Variants in NDNF observed in about 807,000 individuals in gnomAD.
NDNF encodes the protein neuron derived neurotrophic factor, also known as protein NDNF.
In NDNF, 16 loss-of-function variants were observed where a neutral mutation model predicts 42.0. The observed-to-expected ratio is 0.38, with a 90% CI of 0.26 to 0.58. NDNF has a LOEUF of 0.58. Among genes scored for constraint, NDNF ranks in the 20% least tolerant of loss-of-function variants. The pLI, the probability that NDNF is intolerant of heterozygous loss-of-function variation, is 0.67. For synonymous variants in NDNF, 248 were observed against 251.7 expected, an observed-to-expected ratio of 0.99 and a Z score of 0.14; for missense variants, 616 against 666.2, an observed-to-expected ratio of 0.92 and a Z score of 0.83.
chr4:121,039,245 G>GTA (rs201707169), intron 3 of NDNF, among the ~76,000 whole-genome samples: 4,342 of 120,308 alleles, frequency 0.036, 142 homozygotes, highest in East Asian at 0.065. Flanking sequence ...TAAAGACTAT[G>GTA]TATATATATA....
chr4:121,068,717 C>CAGAG (rs145199614), intron 1 of NDNF, among the ~76,000 whole-genome samples: 3 of 148,914 alleles, frequency 2.0e-5, no homozygotes, highest in Non-Finnish European at 4.5e-5. Flanking sequence ...AAAAGTGAGA[C>CAGAG]AGAGAGAGAG....
At chr4:121,051,980 A>G (rs954194512) in intron 1 of NDNF, among the ~76,000 whole-genome samples, 3 of 152,210 alleles carry the variant, frequency 2.0e-5, no homozygotes, top group African/African-American at 4.8e-5. Flanking sequence ...AAGGCTCTCA[A>G]AATAGAAGAC....
chr4:121,045,563 T>C, intron 2 of NDNF, 87 bp downstream of exon 2: 3 of 1,149,060 alleles, frequency 2.6e-6, no homozygotes, highest in Non-Finnish European at 3.8e-6. Flanking sequence ...ATTTGTAAAT[T>C]ACCTAAACTA....
At position 121,038,972 on chromosome 4, in the gene NDNF, G is replaced by T. The variant is rs1194888280; in HGVS notation, c.313+958C>A. ...ATTGCACTCCTAAGCGACAGAGCAA[G>T]ACCCTGTCCTGAAAAAAAAAAAAAA... is the stretch of plus-strand genomic sequence containing the variant. On this transcript the variant is annotated intron_variant, in intron 3 of 3. Transcript: ENST00000379692. The T allele has an allele frequency of 2.3e-5, 3 of 132,026 alleles. No homozygotes were observed. The Admixed American group carries it at 2.4e-4, about 11-fold the overall frequency. The allele number at this position is 132,026 out of a possible 1,614,324, so 8.2% of individuals were successfully genotyped here.
intron 1 of NDNF, among the ~76,000 whole-genome samples, chr4:121,064,418 T>A (rs1169164582): frequency 6.6e-6 from 1 of 152,078 alleles, no homozygotes; most frequent in Non-Finnish European, 1.5e-5. Flanking sequence ...ACAACATTAC[T>A]AAGAAAAAAT....
rs1726951573 is a variant in NDNF, at chr4:121,039,220, A to ATT, written c.313+709_313+710insAA. Among the ~76,000 whole-genome samples, 3 of 86,714 alleles carry ATT rather than the reference A, an allele frequency of 3.5e-5. 1 individual carries two copies. The highest frequency in any genetic ancestry group is 1.0e-4 in the African/African-American group (3 of 30,140). 56.9% of individuals were successfully genotyped at this position (86,714 alleles called of 152,430 possible). On this transcript the variant is annotated intron_variant, in intron 3 of 3. Coordinates refer to ENST00000379692, the MANE Select transcript of NDNF (RefSeq NM_024574.4). ...TATATATATATATATATATATATAT[A>ATT]TATATATATATATATAAAGACTATG... is the stretch of plus-strand genomic sequence containing the variant.
At chr4:121,066,257 G>A (rs1006825608) in intron 1 of NDNF, among the ~76,000 whole-genome samples, 3 of 152,150 alleles carry the variant, frequency 2.0e-5, no homozygotes, top group East Asian at 1.9e-4. Flanking sequence ...AGAGTTAAAC[G>A]ACTGATGTTT....
chr4:121,036,719 G>A lies in NDNF; in HGVS notation c.1252C>T (p.Leu418Phe), dbSNP rs769294164. The A allele has an allele frequency of 1.2e-6, 2 of 1,613,964 alleles. No individual in the cohort carries two copies. The highest frequency in any genetic ancestry group is 1.7e-6 in the Non-Finnish European group (2 of 1,180,022). The change falls in exon 4 of 4, where the codon CTC (leucine) becomes TTC (phenylalanine). Residue 418 changes from leucine (L) to phenylalanine (F), a missense_variant. Coordinates refer to ENST00000379692, the MANE Select transcript of NDNF (RefSeq NM_024574.4). ...QLRGKPKAKYLVRLKGNKKGA... is the reference protein window; with the variant it reads ...QLRGKPKAKYFVRLKGNKKGA... The stretch of plus-strand genomic sequence containing the variant: ...TTCTTGTTTCCTTTCAGTCGAACGA[G>A]GTATTTAGCTTTAGGTTTTCCTCTA...
chr4:121,040,168 A>C (rs1726973783), intron 2 of NDNF, 114 bp from the exon 3 acceptor site: 2 of 1,065,606 alleles, frequency 1.9e-6, no homozygotes, highest in Non-Finnish European at 1.3e-6. Context: ...AAATTTTATA[A>C]AATTTTCATA....
chr4:121,060,938 T>C (rs1472470315), intron 1 of NDNF, among the ~76,000 whole-genome samples: 1 of 152,118 alleles, frequency 6.6e-6, no homozygotes, highest in Non-Finnish European at 1.5e-5. Context: ...AAAACTGTAA[T>C]AAAGCTAACA....
At position 121,056,062 on chromosome 4, in the gene NDNF, T is replaced by C. The variant is rs75936445; in HGVS notation, c.-1-10224A>G. 1.6e-3 allele frequency among the ~76,000 whole-genome samples: 237 copies of C among 152,300 alleles called. 6 individuals carry two copies. In the East Asian group the frequency reaches 0.042, roughly 27 times the overall value. ...ATTTGGTATATGTGACCAGACCTCT[T>C]CATAAACTGTATCCAAACAGATAGG... On this transcript the variant is annotated intron_variant, in intron 1 of 3. Coordinates refer to ENST00000379692, the MANE Select transcript of NDNF (RefSeq NM_024574.4).
chr4:121,070,801 G>C (rs1329054888), intron 1 of NDNF, among the ~76,000 whole-genome samples: 2 of 152,142 alleles, frequency 1.3e-5, no homozygotes, highest in Non-Finnish European at 2.9e-5. Flanking sequence ...CCCGCTCAAG[G>C]TCTTGGTTTT....
At chr4:121,040,088 ATTCT>A in intron 2 of NDNF, 34 bp from the exon 3 acceptor site, 1 of 1,590,830 alleles carries the variant, frequency 6.3e-7, no homozygotes, top group Middle Eastern at 2.0e-4. Flanking sequence ...GACCGTGGTA[ATTCT>A]TTCTAACATT....
chr4:121,044,860 T>G (rs1379485572), intron 2 of NDNF, among the ~76,000 whole-genome samples: 1 of 152,054 alleles, frequency 6.6e-6, no homozygotes, highest in East Asian at 1.9e-4. Flanking sequence ...CAGCTATTCA[T>G]GAGGCTGAGG....
In NDNF at chr4:121,037,389, CA is replaced by C; in HGVS notation, c.581del (p.Leu194TrpfsTer12). On this transcript the variant is annotated frameshift_variant, in exon 4 of 4. Coordinates refer to ENST00000379692, the MANE Select transcript of NDNF (RefSeq NM_024574.4). LOFTEE classifies it high-confidence loss of function. ...AGGCAGTGGGGCTTGGTTTCCAGGCCAAAGTGACCGTGGTGCGCCCCAGTGA... is the reference window on the plus strand; with the variant it reads ...AGGCAGTGGGGCTTGGTTTCCAGGCCAAGTGACCGTGGTGCGCCCCAGTGA... ...VTSLGRTTVTLAWKPSPTASL... is the reference protein window; with the variant it reads ...VTSLGRTTVTXAWKPSPTASL... 1 of 1,614,050 alleles carries C rather than the reference CA, an allele frequency of 6.2e-7. No individual in the cohort carries two copies. Among genetic ancestry groups the C allele is most frequent in the Non-Finnish European group, 8.5e-7 (1 of 1,180,018 alleles).
rs967862629 is a variant in NDNF at position 121,036,150 on chromosome 4, A to G, written c.*114T>C. 1.2e-6 allele frequency: 1 copy of G among 824,350 alleles called. No individual in the cohort carries two copies. The highest frequency in any genetic ancestry group is 1.9e-6 in the Non-Finnish European group (1 of 515,862). 51.1% of individuals were successfully genotyped at this position (824,350 alleles called of 1,614,324 possible). A position where few individuals can be genotyped will look rare whatever the true frequency, so the allele number is the denominator to read the frequency against. ...TACACACGTTGATATCCTTCCTTCCATAGTACAAGTACAGGTCACAACTTC... is the reference window on the plus strand; with the variant it reads ...TACACACGTTGATATCCTTCCTTCCGTAGTACAAGTACAGGTCACAACTTC... On this transcript the variant is annotated 3_prime_UTR_variant, in exon 4 of 4. Transcript: ENST00000379692.
intron 1 of NDNF, among the ~76,000 whole-genome samples, chr4:121,056,323 C>T (rs1162057026): frequency 6.6e-6 from 1 of 152,172 alleles, no homozygotes; most frequent in African/African-American, 2.4e-5. Context: ...GTTGAGAAAA[C>T]CAGGCTAGAG....
In NDNF at chr4:121,063,474, G is replaced by A. The variant is rs955836367; in HGVS notation, c.-2+8519C>T. Among the ~76,000 whole-genome samples the A allele has an allele frequency of 2.0e-5, 3 of 152,142 alleles. No homozygotes were observed. In the East Asian group the frequency reaches 5.8e-4, roughly 29 times the overall value. ...AAACACACACACACACACACAGAGT[G>A]AGAGAGGAGAAATCAAACTCAACAA... is the stretch of plus-strand genomic sequence containing the variant. On this transcript the variant is annotated intron_variant, in intron 1 of 3. Transcript: ENST00000379692.
intron 1 of NDNF, among the ~76,000 whole-genome samples, chr4:121,057,468 C>G (rs1236796145): frequency 1.3e-5 from 2 of 152,130 alleles, no homozygotes; most frequent in East Asian, 3.9e-4. Context: ...TGCCAAGCCA[C>G]AGGGACTGGA....
Sources: allele counts gnomAD v4.1 joint callset (sites outside exome capture counted in the v4.1 genomes callset), GRCh38; gene constraint gnomAD v4.1.1; transcripts MANE v1.5; gene names NCBI Gene and HGNC (gene_info 2026-07-23, HGNC 2026-07-21).